PCCA: variants seen among roughly 807,000 people sequenced by gnomAD.
PCCA encodes propionyl-CoA carboxylase subunit alpha, also known as propionyl-CoA carboxylase alpha chain, mitochondrial.
PCCA carries 74 observed loss-of-function variants against 101.3 expected under a neutral mutation model. That is an observed-to-expected ratio of 0.73 (90% CI 0.61 to 0.89). The LOEUF (loss-of-function observed/expected upper bound fraction) is 0.89, where lower values mean the gene tolerates loss of function less well. PCCA is among the 40% of genes least tolerant of loss of function. The pLI is 0.00. For missense variants in PCCA, 891 were observed against 907.0 expected, an observed-to-expected ratio of 0.98 and a Z score of 0.23; for synonymous variants, 294 against 313.6, an observed-to-expected ratio of 0.94 and a Z score of 0.66.
chr13:100,426,235 T>G (rs2079140646), intron 20 of PCCA, among the ~76,000 whole-genome samples: 2 of 152,178 alleles, frequency 1.3e-5, no homozygotes, highest in Admixed American at 6.5e-5. Context: ...GGAGATGCCT[T>G]GGAACCCAGA....
At chr13:100,320,586 G>A (rs2067918519) in intron 16 of PCCA, among the ~76,000 whole-genome samples, 1 of 152,176 alleles carries the variant, frequency 6.6e-6, no homozygotes, top group South Asian at 2.1e-4. Context: ...AGATAATCAT[G>A]TGGTTTTTGT....
intron 21 of PCCA, among the ~76,000 whole-genome samples, chr13:100,471,420 G>A (rs1306503134): frequency 6.6e-6 from 1 of 152,220 alleles, no homozygotes; most frequent in African/African-American, 2.4e-5. Flanking sequence ...GAGACACACA[G>A]ATGTGAAGTA....
At chr13:100,411,733 G>A (rs143241132) in intron 19 of PCCA, among the ~76,000 whole-genome samples, 1 of 152,152 alleles carries the variant, frequency 6.6e-6, no homozygotes, top group Non-Finnish European at 1.5e-5. Context: ...CTTTCTTGCT[G>A]TGTTCATTCA....
chr13:100,159,805 T>G (rs1380815766), intron 6 of PCCA, among the ~76,000 whole-genome samples: 1 of 152,170 alleles, frequency 6.6e-6, no homozygotes, highest in Non-Finnish European at 1.5e-5. Flanking sequence ...CCTCACTCTC[T>G]CTGGGTGGGT....
At chr13:100,524,099 G>A (rs770677530) in intron 22 of PCCA, among the ~76,000 whole-genome samples, 8 of 152,194 alleles carry the variant, frequency 5.3e-5, no homozygotes, top group Non-Finnish European at 1.0e-4. Flanking sequence ...GACACATTCT[G>A]CAGGAGTCAG....
intron 18 of PCCA, among the ~76,000 whole-genome samples, chr13:100,344,942 C>T (rs1478085840): frequency 1.3e-5 from 2 of 152,080 alleles, no homozygotes; most frequent in Admixed American, 6.5e-5. Flanking sequence ...TTGATGTTCC[C>T]ATTGTAATTG....
At chr13:100,435,528 G>A (rs12872169) in intron 20 of PCCA, among the ~76,000 whole-genome samples, 27,312 of 152,122 alleles carry the variant, frequency 0.18, 3,467 homozygotes, top group East Asian at 0.55. Context: ...CCGATCACGT[G>A]TATTCATGTT....
At chr13:100,461,815 C>A (rs1489938638) in intron 21 of PCCA, among the ~76,000 whole-genome samples, 1 of 152,210 alleles carries the variant, frequency 6.6e-6, no homozygotes, top group Non-Finnish European at 1.5e-5. Context: ...TGGCAGTTAC[C>A]TGCCTACCCA....
intron 7 of PCCA, among the ~76,000 whole-genome samples, chr13:100,213,889 T>G (rs1039602265): frequency 1.3e-5 from 2 of 152,212 alleles, no homozygotes; most frequent in African/African-American, 4.8e-5. Flanking sequence ...TTTCAATCCA[T>G]TTTGATTTGA....
At chr13:100,306,336 C>G (rs1325662480) in intron 14 of PCCA, among the ~76,000 whole-genome samples, 2 of 152,168 alleles carry the variant, frequency 1.3e-5, no homozygotes, top group Admixed American at 6.5e-5. Flanking sequence ...TCCTCAAGAC[C>G]CCTAGGATGT....
Position 100,089,219 on chromosome 13 carries a change from C to G in PCCA, c.99C>G (p.Thr33=). 1 of 1,517,630 alleles carries G rather than the reference C, an allele frequency of 6.6e-7. No individual in the cohort carries two copies. Among genetic ancestry groups the G allele is most frequent in the Admixed American group, 2.0e-5 (1 of 49,092 alleles). The allele number at this position is 1,517,630 out of a possible 1,614,324, so 94.0% of individuals were successfully genotyped here. A position where few individuals can be genotyped will look rare whatever the true frequency, so the allele number is the denominator to read the frequency against. The change falls in exon 1 of 24, where the codon ACC becomes ACG. Residue 33 remains threonine, a synonymous_variant. Coordinates refer to ENST00000376285, the MANE Select transcript of PCCA (RefSeq NM_000282.4). ...QQLMLSAALR[T]LKHVLYYSRQ... Reference sequence around the variant, plus strand: ...TGATGCTGAGCGCGGCGCTGCGGACCCTGAAGGTGAGGAGCAACGGGGCCT... The same window carrying G: ...TGATGCTGAGCGCGGCGCTGCGGACGCTGAAGGTGAGGAGCAACGGGGCCT...
At chr13:100,182,958 C>A (rs1594589410) in intron 6 of PCCA, among the ~76,000 whole-genome samples, 2 of 152,268 alleles carry the variant, frequency 1.3e-5, no homozygotes. Flanking sequence ...ATCAGACTAA[C>A]TCTGCCACCA....
chr13:100,356,949 A>T (rs564430195), intron 18 of PCCA, among the ~76,000 whole-genome samples: 1 of 152,364 alleles, frequency 6.6e-6, no homozygotes, highest in East Asian at 1.9e-4. Flanking sequence ...AAAATGCTAG[A>T]TGAAATAATT....
intron 20 of PCCA, among the ~76,000 whole-genome samples, chr13:100,442,378 G>A (rs1566313679): frequency 6.6e-6 from 1 of 152,152 alleles, no homozygotes; most frequent in Non-Finnish European, 1.5e-5. Context: ...ATTGTGACCT[G>A]CTTTAAATTG....
At chr13:100,222,164 C>T (rs759368950) in intron 7 of PCCA, among the ~76,000 whole-genome samples, 1 of 152,154 alleles carries the variant, frequency 6.6e-6, no homozygotes, top group Non-Finnish European at 1.5e-5. Flanking sequence ...CCTCAGCCTC[C>T]GGAGTAGCTG....
intron 6 of PCCA, among the ~76,000 whole-genome samples, chr13:100,204,500 A>G (rs1311302354): frequency 1.3e-5 from 2 of 152,160 alleles, no homozygotes; most frequent in Non-Finnish European, 2.9e-5. Context: ...AACTCTTGGT[A>G]AGCCTAAAAT....
intron 4 of PCCA, among the ~76,000 whole-genome samples, chr13:100,136,759 C>T (rs9582372): frequency 0.02 from 3,089 of 151,992 alleles, 92 homozygotes; most frequent in African/African-American, 0.071. Flanking sequence ...TAACCTCTTT[C>T]CTTTCTTATT....
rs1473410847 is a variant in PCCA, at chr13:100,353,877, C to T, written c.1643+13618C>T. ...CTGAGGTTGGGGAATTGTTTGAGCC[C>T]GGGAGGCGGAAGTTGCAGTGAGCCA... On this transcript the variant is annotated intron_variant, in intron 18 of 23. Coordinates refer to ENST00000376285, the MANE Select transcript of PCCA (RefSeq NM_000282.4). Among the ~76,000 whole-genome samples the T allele has an allele frequency of 5.9e-5, 9 of 151,802 alleles. No homozygotes were observed. In the South Asian group the frequency reaches 8.3e-4, roughly 14 times the overall value.
At chr13:100,262,577 C>T (rs1009371568) in intron 9 of PCCA, 152 bp from the exon 10 acceptor site, 1 of 606,912 alleles carries the variant, frequency 1.6e-6, no homozygotes, top group African/African-American at 1.9e-5. Flanking sequence ...TTGCTTTTTT[C>T]AGAATAAGCC....
Sources: gnomAD v4.1 joint callset for allele counts (sites outside exome capture counted in the v4.1 genomes callset) on GRCh38, gnomAD v4.1.1 for gene constraint, MANE v1.5 for transcripts, NCBI Gene and HGNC (gene_info 2026-07-23, HGNC 2026-07-21) for gene names.